The following CACNA1E variants were observed in gnomAD, a reference collection of about 807,000 sequenced individuals.
The protein encoded by CACNA1E is voltage-dependent R-type calcium channel subunit alpha-1E.
CACNA1E carries 40 observed loss-of-function variants against 259.2 expected under a neutral mutation model. The observed-to-expected ratio is 0.15, with a 90% CI of 0.12 to 0.20. CACNA1E has a LOEUF of 0.20. CACNA1E is among the 10% of genes least tolerant of loss of function. The probability of loss-of-function intolerance (pLI) is 1.00; values close to 1 mark genes in which losing one functional copy is unlikely to be tolerated. For synonymous variants in CACNA1E, 1,104 were observed against 1,138.5 expected (o/e 0.97, Z 0.61); for missense variants, 1,874 against 3,040.1 (o/e 0.62, Z 9.02).
At chr1:181,712,688 G>A (rs568575774) in intron 8 of CACNA1E, among the ~76,000 whole-genome samples, 5 of 152,076 alleles carry the variant, frequency 3.3e-5, no homozygotes, top group African/African-American at 4.8e-5. Flanking sequence ...ATCCCCTACC[G>A]CTTCCCAGAA....
chr1:181,517,076 C>T (rs1666642046), intron 3 of CACNA1E, among the ~76,000 whole-genome samples: 1 of 152,172 alleles, frequency 6.6e-6, no homozygotes. Flanking sequence ...TAGTGTCTTC[C>T]ATGGTGGTGG....
chr1:181,670,092 A>G (rs529477532), intron 7 of CACNA1E, among the ~76,000 whole-genome samples: 57 of 152,234 alleles, frequency 3.7e-4, no homozygotes, highest in Non-Finnish European at 6.0e-4. Context: ...TCTGGTCTAT[A>G]GAACCTCATA....
In CACNA1E at chr1:181,580,689, G is replaced by C. The variant is rs751911604; in HGVS notation, c.864G>C (p.Gly288=). 87 of 1,613,950 alleles carry C rather than the reference G, an allele frequency of 5.4e-5. No individual in the cohort carries two copies. Among genetic ancestry groups the C allele is most frequent in the Non-Finnish European group, 6.5e-5 (77 of 1,179,894 alleles). The stretch of plus-strand genomic sequence containing the variant: ...AGGACTGGATCGGCCCCAATGATGG[G>C]ATCACCCAGTTTGATAACATCCTTT... ...ECKDWIGPND[G]ITQFDNILFA... Residue 288 remains glycine (G), a synonymous_variant, in exon 6 of 48, where the codon GGG becomes GGC. Transcript: ENST00000367573.
upstream of CACNA1E, among the ~76,000 whole-genome samples, chr1:181,478,945 C>T (rs977821137): frequency 2.6e-5 from 4 of 152,226 alleles, no homozygotes; most frequent in Admixed American, 6.5e-5. Context: ...CCCCTTCACA[C>T]CTGATTGCAG....
intron 6 of CACNA1E, among the ~76,000 whole-genome samples, chr1:181,645,238 G>T (rs1658156737): frequency 1.3e-5 from 2 of 152,126 alleles, no homozygotes; most frequent in Non-Finnish European, 2.9e-5. Flanking sequence ...TTGGGGTGGG[G>T]GATAGTGTGC....
chr1:181,602,190 A>G (rs372653866), intron 6 of CACNA1E, among the ~76,000 whole-genome samples: 21 of 152,256 alleles, frequency 1.4e-4, no homozygotes, highest in Middle Eastern at 3.4e-3. Flanking sequence ...TATTTTGTCT[A>G]TTGGCTAAGT....
At chr1:181,563,638 A>G (rs1649536970) in intron 3 of CACNA1E, among the ~76,000 whole-genome samples, 1 of 152,178 alleles carries the variant, frequency 6.6e-6, no homozygotes, top group Non-Finnish European at 1.5e-5. Context: ...GTCTTCCAGA[A>G]GGGGAAAAGG....
intron 14 of CACNA1E, 64 bp from the exon 15 acceptor site, chr1:181,720,718 TG>T: frequency 1.1e-6 from 1 of 919,212 alleles, no homozygotes. Context: ...GCTGTGATCT[TG>T]GGGAATGGAA....
At position 181,483,772 on chromosome 1, in the gene CACNA1E, G is replaced by C; in HGVS notation, c.28G>C (p.Ala10Pro). The C allele has an allele frequency of 1.2e-6, 2 of 1,609,580 alleles. No individual in the cohort carries two copies. Among genetic ancestry groups the C allele is most frequent in the Non-Finnish European group, 1.7e-6 (2 of 1,177,922 alleles). MARFGEAVV[A>P]RPGSGDGDSD... ...GGCTCGCTTCGGGGAGGCGGTGGTC[G>C]CCAGGCCAGGGTCCGGCGATGGAGA... The change falls in exon 1 of 48, where the codon GCC becomes CCC. Residue 10 changes from alanine to proline, a missense_variant. Ala to Pro is a conservative substitution (Grantham distance 27, BLOSUM62 -1). Transcript: ENST00000367573.
intron 7 of CACNA1E, among the ~76,000 whole-genome samples, chr1:181,672,445 C>G (rs978178972): frequency 6.6e-6 from 1 of 152,178 alleles, no homozygotes; most frequent in Non-Finnish European, 1.5e-5. Context: ...GATTAAGTAA[C>G]TTAATATTTC....
chr1:181,439,750 A>G lies in CACNA1E; in HGVS notation c.434+26170A>G, dbSNP rs116087833. 3.7e-3 allele frequency among the ~76,000 whole-genome samples: 564 copies of G among 152,342 alleles called. 3 individuals are homozygous for G. Among genetic ancestry groups the G allele is most frequent in the African/African-American group, 0.013 (541 of 41,594 alleles). ...AACTTCCAAGAACATAACATGTCATATGGTCACAGGTATAAAAACATAAAA... is the reference window on the plus strand; with the variant it reads ...AACTTCCAAGAACATAACATGTCATGTGGTCACAGGTATAAAAACATAAAA... On this transcript the variant is annotated intron_variant, in intron 2 of 11. Transcript: ENST00000524607.
chr1:181,328,646 G>A (rs1278879915), intron 1 of CACNA1E, among the ~76,000 whole-genome samples: 1 of 152,164 alleles, frequency 6.6e-6, no homozygotes, highest in Non-Finnish European at 1.5e-5. Flanking sequence ...AATGTACATG[G>A]ATTTTTATTA....
chr1:181,535,484 TATA>T (rs200572373), intron 3 of CACNA1E, among the ~76,000 whole-genome samples: 2,121 of 152,280 alleles, frequency 0.014, 34 homozygotes, highest in Non-Finnish European at 0.023. Flanking sequence ...TTGATAAAAC[TATA>T]ATGTGTGTAT....
At chr1:181,628,654 G>A (rs1416454668) in intron 6 of CACNA1E, among the ~76,000 whole-genome samples, 2 of 152,180 alleles carry the variant, frequency 1.3e-5, no homozygotes, top group Non-Finnish European at 2.9e-5. Flanking sequence ...TTGTCCTAGA[G>A]TGAAATATGG....
intron 3 of CACNA1E, among the ~76,000 whole-genome samples, chr1:181,548,593 G>C (rs2102824261): frequency 6.6e-6 from 1 of 152,294 alleles, no homozygotes; most frequent in Non-Finnish European, 1.5e-5. Context: ...GCTCATACAT[G>C]GTTGTTGAAT....
chr1:181,469,042 A>C (rs1342564588), intron 2 of CACNA1E, among the ~76,000 whole-genome samples: 1 of 152,194 alleles, frequency 6.6e-6, no homozygotes, highest in Admixed American at 6.5e-5. Context: ...AACAACAACA[A>C]AAAATTTATT....
At chr1:181,694,629 C>T (rs780363554) in intron 7 of CACNA1E, among the ~76,000 whole-genome samples, 4 of 152,142 alleles carry the variant, frequency 2.6e-5, no homozygotes, top group Admixed American at 1.3e-4. Context: ...AGATACAACC[C>T]GTTGATCTTG....
chr1:181,716,161 C>T lies in CACNA1E; in HGVS notation c.1315+32C>T, dbSNP rs765937003. On this transcript the variant is annotated intron_variant, in intron 10 of 47. Coordinates refer to ENST00000367573, the MANE Select transcript of CACNA1E (RefSeq NM_001205293.3). ...GGATCCAGTTAGATCTTTTACTGCT[C>T]TGAATCTCCCACGAAAAGGAAGATC... 10 of 1,324,588 alleles carry T rather than the reference C, an allele frequency of 7.5e-6. No homozygotes were observed. The African/African-American group carries it at 1.5e-4, about 19-fold the overall frequency. 82.1% of individuals were successfully genotyped at this position (1,324,588 alleles called of 1,614,324 possible). A position where few individuals can be genotyped will look rare whatever the true frequency, so the allele number is the denominator to read the frequency against.
At chr1:181,742,504 A>G (rs1656672769) in intron 25 of CACNA1E, among the ~76,000 whole-genome samples, 1 of 152,090 alleles carries the variant, frequency 6.6e-6, no homozygotes, top group South Asian at 2.1e-4. Flanking sequence ...ACCATGACTT[A>G]GTGAGGAGGC....
Sources: gnomAD v4.1 joint callset for allele counts (sites outside exome capture counted in the v4.1 genomes callset) on GRCh38, gnomAD v4.1.1 for gene constraint, MANE v1.5 for transcripts, NCBI Gene and HGNC (gene_info 2026-07-23, HGNC 2026-07-21) for gene names.